KCNQ1: variants seen among roughly 807,000 people sequenced by gnomAD.
KCNQ1 encodes potassium voltage-gated channel subfamily KQT member 1.
In KCNQ1, 49 loss-of-function variants were observed where a neutral mutation model predicts 72.4. That is an observed-to-expected ratio of 0.68 (90% CI 0.54 to 0.86). KCNQ1 has a LOEUF of 0.86. Ranked by LOEUF, KCNQ1 falls within the 40% of genes least tolerant of loss-of-function variation. The pLI, the probability that KCNQ1 is intolerant of heterozygous loss-of-function variation, is 0.00. For missense variants in KCNQ1, 790 were observed against 945.1 expected (o/e 0.84, Z 2.15); for synonymous variants, 450 against 412.6 (o/e 1.09, Z -1.10).
Position 2,766,499 on chromosome 11 carries a change from A to G in KCNQ1, c.1515-2345A>G, listed in dbSNP as rs1181651891. ...AAGAGTAGATGCCACAAGGTCCTTG[A>G]GGCTGAGCTTCAGAAGACATGATCA... is the stretch of plus-strand genomic sequence containing the variant. On this transcript the variant is annotated intron_variant, in intron 11 of 15. Transcript: ENST00000155840. This position sits in a 1 kb window ranked among gnomAD's most constrained non-coding sequence, Gnocchi z 4.4. Among the ~76,000 whole-genome samples the G allele has an allele frequency of 6.6e-6, 1 of 152,338 alleles. No individual in the cohort carries two copies. Among genetic ancestry groups the G allele is most frequent in the East Asian group, 1.9e-4 (1 of 5,190 alleles).
rs550149076 is a variant in KCNQ1, at chr11:2,777,086, G to A, written c.1732+54G>A. ...CCAGCAGCCTGCAATGGACTCTCCC[G>A]CACCTCTGCCCTCCTGGCTCTCCCC... is the stretch of plus-strand genomic sequence containing the variant. On this transcript the variant is annotated intron_variant, in intron 14 of 15. Coordinates refer to ENST00000155840, the MANE Select transcript of KCNQ1 (RefSeq NM_000218.3). 46 of 1,548,106 alleles carry A rather than the reference G, an allele frequency of 3.0e-5. No homozygotes were observed. In the Admixed American group the frequency reaches 3.4e-4, roughly 11 times the overall value.
At chr11:2,633,048 C>T (rs1564839680) in intron 10 of KCNQ1, 1 of 398,340 alleles carries the variant, frequency 2.5e-6, no homozygotes, top group Non-Finnish European at 4.4e-6. Flanking sequence ...TGTATTATTT[C>T]CCTTTTCTCT....
At chr11:2,797,519 C>G (rs1847162127) in intron 15 of KCNQ1, among the ~76,000 whole-genome samples, 1 of 152,204 alleles carries the variant, frequency 6.6e-6, no homozygotes. Context: ...CTGTACCAGC[C>G]CTGCACCTCC....
rs891202191 is a variant in KCNQ1, at chr11:2,762,266, G to A, written c.1515-6578G>A. Among the ~76,000 whole-genome samples the A allele has an allele frequency of 7.2e-5, 11 of 152,118 alleles. No individual in the cohort carries two copies. Among genetic ancestry groups the A allele is most frequent in the Non-Finnish European group, 1.2e-4 (8 of 68,010 alleles). On this transcript the variant is annotated intron_variant, in intron 11 of 15. Transcript: ENST00000155840. The surrounding 1 kb of genome is among the most constrained non-coding windows in gnomAD (Gnocchi z 4.3). ...TTCTGTTACAGTTCATACTGTTTGC[G>A]TTCCTTTAAAGACGTCTTTGCCCAT...
At chr11:2,705,640 C>T (rs1254091633) in intron 11 of KCNQ1, among the ~76,000 whole-genome samples, 5 of 152,212 alleles carry the variant, frequency 3.3e-5, no homozygotes, top group African/African-American at 1.2e-4. Context: ...AGCTGCCCCC[C>T]AGCCAAGAAC....
intron 15 of KCNQ1, among the ~76,000 whole-genome samples, chr11:2,801,496 T>G (rs1421167523): frequency 6.6e-6 from 1 of 152,216 alleles, no homozygotes; most frequent in Non-Finnish European, 1.5e-5. Flanking sequence ...TCTTCCTGGC[T>G]CATAGGCTGG....
At position 2,592,601 on chromosome 11, in the gene KCNQ1, G is replaced by A. The variant is rs776438634; in HGVS notation, c.1393+3747G>A. Among the ~76,000 whole-genome samples, 22 of 152,194 alleles carry A rather than the reference G, an allele frequency of 1.4e-4. No individual in the cohort carries two copies. Among genetic ancestry groups the A allele is most frequent in the Non-Finnish European group, 2.6e-4 (18 of 68,030 alleles). The stretch of plus-strand genomic sequence containing the variant: ...AGCCCTAGAGTCTTTGCAGTGAAGC[G>A]TCACAGACTCCTCATGAAGGATGCA... On this transcript the variant is annotated intron_variant, in intron 10 of 15. Coordinates refer to ENST00000155840, the MANE Select transcript of KCNQ1 (RefSeq NM_000218.3). The surrounding 1 kb of genome is among the most constrained non-coding windows in gnomAD (Gnocchi z 5.2).
At chr11:2,506,692 G>A (rs1271461121) in intron 1 of KCNQ1, among the ~76,000 whole-genome samples, 3 of 152,228 alleles carry the variant, frequency 2.0e-5, no homozygotes, top group East Asian at 3.9e-4. Flanking sequence ...CTGCAGAACG[G>A]TTGCACATTT....
intron 15 of KCNQ1, among the ~76,000 whole-genome samples, chr11:2,788,917 G>A (rs1846964393): frequency 6.6e-6 from 1 of 152,188 alleles, no homozygotes; most frequent in Admixed American, 6.5e-5. Flanking sequence ...TGCCCAGCAA[G>A]CTCCGGGGAG....
intron 2 of KCNQ1, among the ~76,000 whole-genome samples, chr11:2,554,729 T>C (rs542920673): frequency 9.9e-5 from 15 of 152,212 alleles, no homozygotes; most frequent in Admixed American, 2.0e-4. Flanking sequence ...CCCTACAATT[T>C]CACGACAAGT....
Position 2,673,864 on chromosome 11 carries a change from G to C in KCNQ1, c.1514+11783G>C. 2.5e-6 allele frequency: 1 copy of C among 398,670 alleles called. No homozygotes were observed. 24.7% of individuals were successfully genotyped at this position (398,670 alleles called of 1,614,324 possible). A position where few individuals can be genotyped will look rare whatever the true frequency, so the allele number is the denominator to read the frequency against. On this transcript the variant is annotated intron_variant, in intron 11 of 15. Coordinates refer to ENST00000155840, the MANE Select transcript of KCNQ1 (RefSeq NM_000218.3). The surrounding 1 kb of genome is among the most constrained non-coding windows in gnomAD (Gnocchi z 4.5). ...AGAGTCAAGGTTGGATATGAAGAGG[G>C]ACTTCCTGAAAGCAGGCACAGGAAG...
intron 15 of KCNQ1, among the ~76,000 whole-genome samples, chr11:2,846,335 G>A (rs144109555): frequency 1.8e-3 from 272 of 152,302 alleles, no homozygotes; most frequent in African/African-American, 5.4e-3. Flanking sequence ...CCCTTATCGC[G>A]TGCTGATCTG....
At chr11:2,532,223 G>T (rs1398042993) in intron 2 of KCNQ1, among the ~76,000 whole-genome samples, 1 of 152,178 alleles carries the variant, frequency 6.6e-6, no homozygotes, top group Non-Finnish European at 1.5e-5. Context: ...ACTCCCTGAG[G>T]GTGGGACCCC....
chr11:2,579,693 A>C lies in KCNQ1; in HGVS notation c.922-3742A>C, dbSNP rs539172811. On this transcript the variant is annotated intron_variant, in intron 6 of 15. Coordinates refer to ENST00000155840, the MANE Select transcript of KCNQ1 (RefSeq NM_000218.3). This position sits in a 1 kb window ranked among gnomAD's most constrained non-coding sequence, Gnocchi z 6.0. ...GCGTCCTGCTGTATGTGTGCTCTCCACGGTGGGCAGACACCCAGGGGCACT... is the reference window on the plus strand; with the variant it reads ...GCGTCCTGCTGTATGTGTGCTCTCCCCGGTGGGCAGACACCCAGGGGCACT... Among the ~76,000 whole-genome samples, 1 of 152,162 alleles carries C rather than the reference A, an allele frequency of 6.6e-6. No homozygotes were observed. The highest frequency in any genetic ancestry group is 2.1e-4 in the South Asian group (1 of 4,802).
chr11:2,585,701 C>T (rs1341854371), intron 8 of KCNQ1, among the ~76,000 whole-genome samples: 2 of 152,212 alleles, frequency 1.3e-5, no homozygotes, highest in African/African-American at 4.8e-5. Context: ...CCCAGCTGTG[C>T]AGTTGGTGCC....
chr11:2,806,838 C>T (rs1847382694), intron 15 of KCNQ1, among the ~76,000 whole-genome samples: 1 of 152,222 alleles, frequency 6.6e-6, no homozygotes, highest in Non-Finnish European at 1.5e-5. Flanking sequence ...ACAGTAAAAG[C>T]CTGGCTTGCG....
intron 1 of KCNQ1, among the ~76,000 whole-genome samples, chr11:2,519,984 C>T (rs574207416): frequency 2.0e-4 from 31 of 152,354 alleles, no homozygotes; most frequent in Admixed American, 4.6e-4. Flanking sequence ...GGAGTGATGC[C>T]GCCACCCACC....
intron 1 of KCNQ1, among the ~76,000 whole-genome samples, chr11:2,460,012 C>T (rs189249391): frequency 2.6e-4 from 39 of 152,352 alleles, no homozygotes; most frequent in Non-Finnish European, 1.6e-4. Flanking sequence ...TCCAGAGCCG[C>T]ACCCCAGTGC....
At chr11:2,589,638 T>A (rs947466935) in intron 10 of KCNQ1, among the ~76,000 whole-genome samples, 3 of 152,180 alleles carry the variant, frequency 2.0e-5, no homozygotes, top group African/African-American at 7.2e-5. Flanking sequence ...GCTGGGCCCA[T>A]GTGCTTCAGC....
Sources: allele counts gnomAD v4.1 joint callset (sites outside exome capture counted in the v4.1 genomes callset), GRCh38; gene constraint gnomAD v4.1.1; non-coding constraint Gnocchi (gnomAD v3.1); transcripts MANE v1.5; gene names NCBI Gene and HGNC (gene_info 2026-07-23, HGNC 2026-07-21).